The following ARB2A variants were observed in gnomAD, a reference collection of about 807,000 sequenced individuals.
ARB2A encodes the protein cotranscriptional regulator ARB2A.
At chr5:93,967,014 T>C in the ARB2A span, among the ~76,000 whole-genome samples, 2 of 150,222 alleles carry the variant, frequency 1.3e-5, no homozygotes, top group South Asian at 4.2e-4. Context: ...AGTTCAAGAT[T>C]TAAAAAAAAA....
At chr5:93,766,337 T>C in the ARB2A span, among the ~76,000 whole-genome samples, 4 of 151,904 alleles carry the variant, frequency 2.6e-5, no homozygotes, top group South Asian at 8.3e-4. Context: ...CCAACAAATT[T>C]ACAAGAAAAA....
At chr5:93,806,676 C>A in the ARB2A span, among the ~76,000 whole-genome samples, 5 of 151,752 alleles carry the variant, frequency 3.3e-5, no homozygotes, top group South Asian at 2.1e-4. Flanking sequence ...TCCAGAATTT[C>A]CAAAGTAAAC....
At chr5:93,699,468 C>A in the ARB2A span, among the ~76,000 whole-genome samples, 1 of 152,114 alleles carries the variant, frequency 6.6e-6, no homozygotes, top group Non-Finnish European at 1.5e-5. Flanking sequence ...TATTCACTAA[C>A]CATTAATATA....
At chr5:93,935,437 G>A in the ARB2A span, among the ~76,000 whole-genome samples, 1 of 152,128 alleles carries the variant, frequency 6.6e-6, no homozygotes, top group East Asian at 1.9e-4. Flanking sequence ...GCTGGTGTTG[G>A]TAGAGGTAAC....
the ARB2A span, among the ~76,000 whole-genome samples, chr5:93,754,375 C>T: frequency 2.1e-4 from 32 of 152,312 alleles, no homozygotes; most frequent in African/African-American, 7.7e-4. Context: ...TGCTGTGTCC[C>T]TGGTACCCAC....
the ARB2A span, among the ~76,000 whole-genome samples, chr5:93,821,260 T>C: frequency 2.6e-5 from 4 of 152,138 alleles, no homozygotes; most frequent in African/African-American, 7.2e-5. Flanking sequence ...ACGATTTCCA[T>C]GCATTCAAAC....
the ARB2A span, among the ~76,000 whole-genome samples, chr5:94,053,534 T>G: frequency 6.6e-6 from 1 of 152,162 alleles, no homozygotes; most frequent in African/African-American, 2.4e-5. Flanking sequence ...ATTTAAAAGT[T>G]TCAGACATTA....
the ARB2A span, among the ~76,000 whole-genome samples, chr5:94,090,143 C>T: frequency 6.6e-6 from 1 of 152,176 alleles, no homozygotes; most frequent in Admixed American, 6.5e-5. Context: ...AATATTGATT[C>T]TTCCTATCTA....
At chr5:93,692,162 A>G in the ARB2A span, among the ~76,000 whole-genome samples, 2 of 152,228 alleles carry the variant, frequency 1.3e-5, no homozygotes, top group African/African-American at 4.8e-5. Flanking sequence ...ACAGGCTCAA[A>G]TTCACACATA....
the ARB2A span, among the ~76,000 whole-genome samples, chr5:93,985,547 C>A: frequency 6.6e-6 from 1 of 152,284 alleles, no homozygotes; most frequent in Non-Finnish European, 1.5e-5. Flanking sequence ...CCTCAGCCTG[C>A]CGAGTGCCTG....
the ARB2A span, chr5:94,053,116 AC>A: frequency 9.3e-7 from 1 of 1,069,558 alleles, no homozygotes; most frequent in South Asian, 1.5e-5. Context: ...TAGATAGATA[AC>A]CCACTTACTT....
chr5:93,878,386 T>C, the ARB2A span, among the ~76,000 whole-genome samples: 1 of 151,968 alleles, frequency 6.6e-6, no homozygotes, highest in Non-Finnish European at 1.5e-5. Flanking sequence ...ATGAAGCTTA[T>C]ATTAAGAGCT....
the ARB2A span, among the ~76,000 whole-genome samples, chr5:94,060,649 T>G: frequency 6.6e-6 from 1 of 152,154 alleles, no homozygotes; most frequent in Non-Finnish European, 1.5e-5. Context: ...AAATATTTCC[T>G]AAATCATGTT....
the ARB2A span, among the ~76,000 whole-genome samples, chr5:93,851,035 G>C: frequency 6.5e-4 from 99 of 152,056 alleles, 1 homozygote; most frequent in Non-Finnish European, 2.2e-4. Flanking sequence ...TGTTCTCTAA[G>C]ATTAACACTA....
chr5:93,958,657 A>C, the ARB2A span: 2 of 711,900 alleles, frequency 2.8e-6, no homozygotes, highest in African/African-American at 1.9e-5. Context: ...AAGTAAAATA[A>C]ATAATAACAA....
chr5:93,740,669 G>A, the ARB2A span: 1 of 1,613,888 alleles, frequency 6.2e-7, no homozygotes, highest in Non-Finnish European at 8.5e-7. Context: ...ATATCCACTG[G>A]GAGCCCCAGT....
the ARB2A span, among the ~76,000 whole-genome samples, chr5:93,893,571 C>G: frequency 6.6e-6 from 1 of 152,152 alleles, no homozygotes; most frequent in Non-Finnish European, 1.5e-5. Context: ...TTTGCCACTA[C>G]AGAACTATCA....
At chr5:94,073,534 A>C in the ARB2A span, among the ~76,000 whole-genome samples, 1 of 152,116 alleles carries the variant, frequency 6.6e-6, no homozygotes, top group African/African-American at 2.4e-5. Context: ...AAAATCCAGA[A>C]AATCAATCTG....
the ARB2A span, among the ~76,000 whole-genome samples, chr5:94,080,015 TAAAC>T: frequency 1.3e-5 from 2 of 152,048 alleles, no homozygotes; most frequent in African/African-American, 2.4e-5. Context: ...CTTAAGAAAT[TAAAC>T]AAAGACTAAG....
Sources: gnomAD v4.1 joint callset for allele counts (sites outside exome capture counted in the v4.1 genomes callset) on GRCh38, gnomAD v4.1.1 for gene constraint, MANE v1.5 for transcripts, NCBI Gene and HGNC (gene_info 2026-07-23, HGNC 2026-07-21) for gene names.